Variants in CNTN5 observed in about 807,000 individuals in gnomAD.
The protein encoded by CNTN5 is contactin-5.
In CNTN5, 77 loss-of-function variants were observed where a neutral mutation model predicts 129.1. The ratio of observed to expected loss-of-function variants is 0.60; its 90% CI spans 0.50 to 0.72. The LOEUF is 0.72. CNTN5 is among the 30% of genes least tolerant of loss of function. The pLI, the probability that CNTN5 is intolerant of heterozygous loss-of-function variation, is 0.00. For missense variants in CNTN5, 1,478 were observed against 1,328.8 expected (o/e 1.11, Z -1.75); for synonymous variants, 509 against 465.6 (o/e 1.09, Z -1.20).
chr11:99,554,197 T>C (rs1435346293), intron 2 of CNTN5, among the ~76,000 whole-genome samples: 1 of 152,144 alleles, frequency 6.6e-6, no homozygotes, highest in Non-Finnish European at 1.5e-5. Context: ...TCTCACCTTC[T>C]ATCCTCCGGT....
intron 6 of CNTN5, among the ~76,000 whole-genome samples, chr11:99,898,400 A>C (rs763542397): frequency 8.6e-5 from 13 of 152,002 alleles, no homozygotes; most frequent in South Asian, 2.1e-4. Context: ...ATACCAGAAA[A>C]ACAAAAAAAG....
At chr11:99,238,757 A>T (rs1178495712) in intron 1 of CNTN5, among the ~76,000 whole-genome samples, 2 of 152,160 alleles carry the variant, frequency 1.3e-5, no homozygotes, top group Non-Finnish European at 2.9e-5. Context: ...TCTACATACA[A>T]GTGCATGATC....
At chr11:99,635,759 T>G (rs1350418207) in intron 3 of CNTN5, among the ~76,000 whole-genome samples, 1 of 152,132 alleles carries the variant, frequency 6.6e-6, no homozygotes, top group African/African-American at 2.4e-5. Flanking sequence ...AAATTATGTT[T>G]ATGTATTTGT....
chr11:100,105,701 C>T (rs918356695), intron 13 of CNTN5, among the ~76,000 whole-genome samples: 1 of 152,140 alleles, frequency 6.6e-6, no homozygotes, highest in African/African-American at 2.4e-5. Context: ...CCTTTGTACT[C>T]TCCAAGGTCT....
intron 3 of CNTN5, among the ~76,000 whole-genome samples, chr11:99,692,192 C>G (rs1718954835): frequency 1.3e-5 from 2 of 152,080 alleles, no homozygotes; most frequent in Non-Finnish European, 2.9e-5. Context: ...GGTTCTTTAT[C>G]CAACGTGCCA....
intron 2 of CNTN5, among the ~76,000 whole-genome samples, chr11:99,337,809 T>C (rs572719333): frequency 6.6e-6 from 1 of 152,262 alleles, no homozygotes; most frequent in East Asian, 1.9e-4. Flanking sequence ...GTATAAGAAG[T>C]CTTTTTTTGG....
chr11:99,472,413 T>C (rs1401246488), intron 2 of CNTN5, among the ~76,000 whole-genome samples: 2 of 152,180 alleles, frequency 1.3e-5, no homozygotes, highest in African/African-American at 4.8e-5. Flanking sequence ...TGTAGTCTGT[T>C]TCACATCATT....
At chr11:99,137,847 A>T (rs4753941) in intron 1 of CNTN5, among the ~76,000 whole-genome samples, 7 of 151,968 alleles carry the variant, frequency 4.6e-5, no homozygotes, top group South Asian at 2.1e-4. Flanking sequence ...GATTAAAGTA[A>T]GGGTATTTCT....
intron 13 of CNTN5, among the ~76,000 whole-genome samples, chr11:100,160,241 G>T (rs1323448151): frequency 6.6e-6 from 1 of 151,978 alleles, no homozygotes; most frequent in Non-Finnish European, 1.5e-5. Context: ...TCCCTGCAAA[G>T]AACATGAATT....
chr11:99,704,344 C>T (rs1370847226), intron 3 of CNTN5, among the ~76,000 whole-genome samples: 1 of 150,698 alleles, frequency 6.6e-6, no homozygotes, highest in African/African-American at 2.4e-5. Flanking sequence ...AAATTAAAAG[C>T]CATGTTGACT....
intron 2 of CNTN5, among the ~76,000 whole-genome samples, chr11:99,329,537 C>T (rs770950019): frequency 1.3e-5 from 2 of 152,120 alleles, no homozygotes; most frequent in African/African-American, 2.4e-5. Context: ...TGTCCTACAA[C>T]ATAAGAAGGG....
chr11:99,339,561 C>T (rs1052867521), intron 2 of CNTN5, among the ~76,000 whole-genome samples: 19 of 151,904 alleles, frequency 1.3e-4, no homozygotes, highest in African/African-American at 4.1e-4. Flanking sequence ...GGGTGGATCA[C>T]GAAGTCAGGA....
Position 99,112,616 on chromosome 11 carries a change from A to G in CNTN5, c.-210+91346A>G, listed in dbSNP as rs192183318. Reference sequence around the variant, plus strand: ...TCGCCTGAAAGCCTTAAAATCCATGAATGATATTAAGTTTTGAAGGAGATA... The same window carrying G: ...TCGCCTGAAAGCCTTAAAATCCATGGATGATATTAAGTTTTGAAGGAGATA... On this transcript the variant is annotated intron_variant, in intron 1 of 24. Coordinates refer to ENST00000524871, the MANE Select transcript of CNTN5 (RefSeq NM_014361.4). Among the ~76,000 whole-genome samples the G allele has an allele frequency of 4.7e-3, 713 of 152,128 alleles. 6 individuals carry two copies. The highest frequency in any genetic ancestry group is 0.016 in the African/African-American group (668 of 41,558).
At chr11:99,158,230 C>G (rs180873437) in intron 1 of CNTN5, among the ~76,000 whole-genome samples, 481 of 152,228 alleles carry the variant, frequency 3.2e-3, no homozygotes, top group African/African-American at 0.011. Context: ...CATTCCGCTC[C>G]TGAACTTACT....
At chr11:99,051,492 A>C (rs1000656095) in intron 1 of CNTN5, among the ~76,000 whole-genome samples, 1 of 151,962 alleles carries the variant, frequency 6.6e-6, no homozygotes, top group Non-Finnish European at 1.5e-5. Context: ...ATTTTACATG[A>C]CAAAAATCAC....
At chr11:99,650,142 A>T (rs1197965046) in intron 3 of CNTN5, among the ~76,000 whole-genome samples, 1 of 151,930 alleles carries the variant, frequency 6.6e-6, no homozygotes, top group Non-Finnish European at 1.5e-5. Context: ...TTGGTATGGA[A>T]CATTATTACT....
intron 23 of CNTN5, among the ~76,000 whole-genome samples, chr11:100,343,141 AGTTCCC>A (rs1228065610): frequency 6.6e-6 from 1 of 152,206 alleles, no homozygotes; most frequent in South Asian, 2.1e-4. Flanking sequence ...GTTGCCTGCC[AGTTCCC>A]TCTTAATAAA....
At chr11:99,858,985 C>T (rs1331445337) in intron 6 of CNTN5, among the ~76,000 whole-genome samples, 1 of 151,766 alleles carries the variant, frequency 6.6e-6, no homozygotes, top group Non-Finnish European at 1.5e-5. Flanking sequence ...AACATTTGAA[C>T]ATTAGGAAAC....
chr11:99,039,507 CTA>C (rs1863900628), intron 1 of CNTN5, among the ~76,000 whole-genome samples: 2 of 152,056 alleles, frequency 1.3e-5, no homozygotes, highest in Admixed American at 1.3e-4. Context: ...ATAGAAAACA[CTA>C]AAAGTAAAAA....
Sources: allele counts gnomAD v4.1 joint callset (sites outside exome capture counted in the v4.1 genomes callset), GRCh38; gene constraint gnomAD v4.1.1; transcripts MANE v1.5; gene names NCBI Gene and HGNC (gene_info 2026-07-23, HGNC 2026-07-21).